The following PCDHGB5 variants were observed in gnomAD, a reference collection of about 807,000 sequenced individuals.
The protein encoded by PCDHGB5 is protocadherin gamma subfamily B, 5, also known as protocadherin gamma-B5.
A neutral mutation model predicts 62.9 loss-of-function variants in PCDHGB5; 48 were observed. The observed-to-expected ratio is 0.76, with a 90% CI of 0.61 to 0.97. The LOEUF (loss-of-function observed/expected upper bound fraction) is 0.97, where lower values mean the gene tolerates loss of function less well. PCDHGB5 is among the 50% of genes least tolerant of loss of function. The probability of loss-of-function intolerance (pLI) is 0.00; values close to 1 mark genes in which losing one functional copy is unlikely to be tolerated. For synonymous variants in PCDHGB5, 474 were observed against 511.2 expected, an observed-to-expected ratio of 0.93 and a Z score of 0.98; for missense variants, 1,118 against 1,198.6, an observed-to-expected ratio of 0.93 and a Z score of 0.99.
chr5:141,451,095 T>G (rs1158753327), intron 1 of PCDHGB5, among the ~76,000 whole-genome samples: 2 of 152,180 alleles, frequency 1.3e-5, no homozygotes, highest in African/African-American at 4.8e-5. Context: ...CCCAAAGTGT[T>G]GGGATTACAG....
rs746903142 is a variant in PCDHGB5, at chr5:141,491,667, G to T, written c.2398-3140G>T. ...TGGCGCTGGAGCCTGACGCCATCCG[G>T]TCCCGCTCTAATACGCTGCGGGAGC... On this transcript the variant is annotated intron_variant, in intron 1 of 3. Coordinates refer to ENST00000617380, the MANE Select transcript of PCDHGB5 (RefSeq NM_018925.3). The surrounding 1 kb of genome is among the most constrained non-coding windows in gnomAD (Gnocchi z 6.9). 1.9e-6 allele frequency: 3 copies of T among 1,613,794 alleles called. No individual in the cohort carries two copies. Among genetic ancestry groups the T allele is most frequent in the Admixed American group, 1.7e-5 (1 of 60,032 alleles).
chr5:141,449,424 T>C (rs2098638345), intron 1 of PCDHGB5, among the ~76,000 whole-genome samples: 1 of 151,674 alleles, frequency 6.6e-6, no homozygotes, highest in Admixed American at 6.6e-5. Context: ...CTGGCCAACA[T>C]GATAAAACTC....
At chr5:141,410,527 C>T (rs1398639610) in intron 1 of PCDHGB5, 1 of 1,613,920 alleles carries the variant, frequency 6.2e-7, no homozygotes, top group East Asian at 2.2e-5. Context: ...CCCTACATTC[C>T]AATGAAGACA....
At chr5:141,488,134 A>G (rs546928916) in intron 1 of PCDHGB5, among the ~76,000 whole-genome samples, 1 of 152,332 alleles carries the variant, frequency 6.6e-6, no homozygotes, top group African/African-American at 2.4e-5. Flanking sequence ...GAAAGAGGAG[A>G]GAACTAAAGG....
chr5:141,409,213 C>T (rs1379007048), intron 1 of PCDHGB5: 1 of 1,613,994 alleles, frequency 6.2e-7, no homozygotes, highest in Admixed American at 1.7e-5. Context: ...TCATAGAAAT[C>T]CTTGATGAAA....
At position 141,476,792 on chromosome 5, in the gene PCDHGB5, G is replaced by T. The variant is rs376910320; in HGVS notation, c.2398-18015G>T. ...GGACGGAGGGACCCCAGCTCTCTCC[G>T]CCAGCCTGCCTATTCACATCAAGGT... On this transcript the variant is annotated intron_variant, in intron 1 of 3. Coordinates refer to ENST00000617380, the MANE Select transcript of PCDHGB5 (RefSeq NM_018925.3). The surrounding 1 kb of genome is among the most constrained non-coding windows in gnomAD (Gnocchi z 7.6). 4.3e-6 allele frequency: 7 copies of T among 1,612,720 alleles called. No individual in the cohort carries two copies. Among genetic ancestry groups the T allele is most frequent in the Non-Finnish European group, 5.1e-6 (6 of 1,179,958 alleles).
At position 141,485,272 on chromosome 5, in the gene PCDHGB5, C is replaced by T. The variant is rs764196730; in HGVS notation, c.2398-9535C>T. The T allele has an allele frequency of 1.9e-6, 3 of 1,613,948 alleles. No homozygotes were observed. The highest frequency in any genetic ancestry group is 2.7e-5 in the African/African-American group (2 of 74,932). On this transcript the variant is annotated intron_variant, in intron 1 of 3. Transcript: ENST00000617380. The surrounding 1 kb of genome is among the most constrained non-coding windows in gnomAD (Gnocchi z 5.7). ...GTTACGTTTGTGGGCAGATCCGCTACCCGGTCCCAGAGGAGTCACAGGAAG... is the reference window on the plus strand; with the variant it reads ...GTTACGTTTGTGGGCAGATCCGCTATCCGGTCCCAGAGGAGTCACAGGAAG...
chr5:141,408,277 C>T (rs367948897), intron 1 of PCDHGB5: 2 of 1,611,980 alleles, frequency 1.2e-6, no homozygotes, highest in African/African-American at 1.3e-5. Context: ...TGCCTTTGTT[C>T]TACCCCACCC....
rs2097504446 is a variant in PCDHGB5, at chr5:141,432,472, T to C, written c.2397+31948T>C. The C allele has an allele frequency of 9.9e-6, 16 of 1,614,012 alleles. No homozygotes were observed. Among genetic ancestry groups the C allele is most frequent in the Non-Finnish European group, 1.4e-5 (16 of 1,180,036 alleles). ...TGTACCCCGCCCTCCCCACGGACGG[T>C]TCCACTGGCGTGGAGCTGGCTCCCC... On this transcript the variant is annotated intron_variant, in intron 1 of 3. Transcript: ENST00000617380. This position sits in a 1 kb window ranked among gnomAD's most constrained non-coding sequence, Gnocchi z 6.0.
At chr5:141,473,974 C>A (rs958240236) in intron 1 of PCDHGB5, among the ~76,000 whole-genome samples, 1 of 152,054 alleles carries the variant, frequency 6.6e-6, no homozygotes, top group Non-Finnish European at 1.5e-5. Flanking sequence ...AAGTCTGAGG[C>A]GGGAGGATCC....
In PCDHGB5 at chr5:141,489,522, C is replaced by T. The variant is rs371948070; in HGVS notation, c.2398-5285C>T. 2.5e-6 allele frequency: 4 copies of T among 1,614,088 alleles called. No individual in the cohort carries two copies. Among genetic ancestry groups the T allele is most frequent in the Non-Finnish European group, 3.4e-6 (4 of 1,180,036 alleles). On this transcript the variant is annotated intron_variant, in intron 1 of 3. Coordinates refer to ENST00000617380, the MANE Select transcript of PCDHGB5 (RefSeq NM_018925.3). The surrounding 1 kb of genome is among the most constrained non-coding windows in gnomAD (Gnocchi z 4.5). ...TGAATCAAAAGATTGACCGAGAAAG[C>T]CTATGTGGAGCCAGCACCAGCTGCC...
Position 141,512,931 on chromosome 5 carries a change from C to T in PCDHGB5, c.*1758C>T, listed in dbSNP as rs2099884512. On this transcript the variant is annotated 3_prime_UTR_variant, in exon 4 of 4. Transcript: ENST00000617380. ...GTTTTATACTCTAATATTTATATGG[C>T]TTTTTTTCTTCGACAAAAAAATAAT... The T allele has an allele frequency of 6.6e-6, 1 of 152,006 alleles. No homozygotes were observed. The highest frequency in any genetic ancestry group is 2.4e-5 in the African/African-American group (1 of 41,414). The allele number at this position is 152,006 out of a possible 1,614,324, so 9.4% of individuals were successfully genotyped here.
Position 141,431,412 on chromosome 5 carries a change from GC to G in PCDHGB5, c.2397+30889del. ...CTGGTCCTTACGGCCTCCGACGGGG[GC>G]GACCCGGTGCGCACAGGCACCGCGC... On this transcript the variant is annotated intron_variant, in intron 1 of 3. Coordinates refer to ENST00000617380, the MANE Select transcript of PCDHGB5 (RefSeq NM_018925.3). The surrounding 1 kb of genome is among the most constrained non-coding windows in gnomAD (Gnocchi z 4.8). The G allele has an allele frequency of 6.2e-7, 1 of 1,613,714 alleles. No homozygotes were observed. Among genetic ancestry groups the G allele is most frequent in the Non-Finnish European group, 8.5e-7 (1 of 1,180,050 alleles).
chr5:141,510,804 T>C (rs965530116), intron 3 of PCDHGB5, 143 bp from the exon 4 acceptor site: 2 of 1,504,768 alleles, frequency 1.3e-6, no homozygotes, highest in Admixed American at 2.0e-5. Flanking sequence ...AGAGACTACC[T>C]TGGTGACCCC....
In PCDHGB5 at chr5:141,431,149, G is replaced by A. The variant is rs150692324; in HGVS notation, c.2397+30625G>A. Reference sequence around the variant, plus strand: ...AAGTAAGGGACATTAACGACAATGCGCCTTACTTTCGTGAAAGTGAATTAG... The same window carrying A: ...AAGTAAGGGACATTAACGACAATGCACCTTACTTTCGTGAAAGTGAATTAG... On this transcript the variant is annotated intron_variant, in intron 1 of 3. Coordinates refer to ENST00000617380, the MANE Select transcript of PCDHGB5 (RefSeq NM_018925.3). This position sits in a 1 kb window ranked among gnomAD's most constrained non-coding sequence, Gnocchi z 4.8. The A allele has an allele frequency of 3.7e-4, 605 of 1,614,210 alleles. No individual in the cohort carries two copies. Among genetic ancestry groups the A allele is most frequent in the Non-Finnish European group, 4.7e-4 (552 of 1,180,020 alleles).
intron 1 of PCDHGB5, chr5:141,492,007 C>T (rs1261430567): frequency 3.0e-5 from 19 of 628,956 alleles, no homozygotes; most frequent in Non-Finnish European, 4.6e-5. Flanking sequence ...GCGATTTCCG[C>T]GGGTGTCGGG....
intron 1 of PCDHGB5, among the ~76,000 whole-genome samples, chr5:141,475,732 C>T (rs2099367914): frequency 6.6e-6 from 1 of 152,248 alleles, no homozygotes; most frequent in Non-Finnish European, 1.5e-5. Context: ...GCTGGCTTTC[C>T]CTAAGGTAGG....
At chr5:141,404,488 T>A in intron 1 of PCDHGB5, 1 of 1,613,536 alleles carries the variant, frequency 6.2e-7, no homozygotes, top group Non-Finnish European at 8.5e-7. Context: ...CAGACACTGG[T>A]GTGCTGTATG....
intron 1 of PCDHGB5, among the ~76,000 whole-genome samples, chr5:141,407,384 G>A (rs911492449): frequency 1.3e-5 from 2 of 152,182 alleles, no homozygotes; most frequent in Non-Finnish European, 2.9e-5. Flanking sequence ...AGGCTTGTAT[G>A]TCATGGTAGG....
Sources: allele counts gnomAD v4.1 joint callset (sites outside exome capture counted in the v4.1 genomes callset), GRCh38; gene constraint gnomAD v4.1.1; non-coding constraint Gnocchi (gnomAD v3.1); transcripts MANE v1.5; gene names NCBI Gene and HGNC (gene_info 2026-07-23, HGNC 2026-07-21).